Variants in RPAP3 observed in about 807,000 individuals in gnomAD.
RPAP3 encodes the protein RNA polymerase II-associated protein 3.
Under a neutral mutation model 88.8 loss-of-function variants are expected in RPAP3, and 58 were observed. That is an observed-to-expected ratio of 0.65 (90% CI 0.53 to 0.81). The LOEUF is 0.81. RPAP3 is among the 40% of genes least tolerant of loss of function. The pLI is 0.00. For synonymous variants in RPAP3, 255 were observed against 259.9 expected (o/e 0.98, Z 0.18); for missense variants, 751 against 764.3 (o/e 0.98, Z 0.20).
chr12:47,678,085 A>G, intron 12 of RPAP3, among the ~76,000 whole-genome samples: 1 of 152,214 alleles, frequency 6.6e-6, no homozygotes, highest in Non-Finnish European at 1.5e-5. Context: ...AGGCCTCAGA[A>G]ATAACACCAC....
chr12:47,672,623 G>A (rs931517233), intron 12 of RPAP3, among the ~76,000 whole-genome samples: 2 of 138,866 alleles, frequency 1.4e-5, no homozygotes, highest in Non-Finnish European at 3.4e-5. Flanking sequence ...TAAAAATAAT[G>A]CCGACATTTT....
chr12:47,674,645 T>A (rs1939071582), intron 12 of RPAP3, among the ~76,000 whole-genome samples: 1 of 152,104 alleles, frequency 6.6e-6, no homozygotes, highest in South Asian at 2.1e-4. Flanking sequence ...AGAAAGGGTA[T>A]CAGTGATTGA....
rs1938872590 is a variant in RPAP3 at position 47,666,273 on chromosome 12, G to A, written c.1912+707C>T. Among the ~76,000 whole-genome samples the A allele has an allele frequency of 2.0e-5, 3 of 152,212 alleles. 1 individual carries two copies. The highest frequency in any genetic ancestry group is 2.0e-4 in the Admixed American group (3 of 15,296). ...TCTTTATGCCAAAAATTGTGATGTGGAAATAAAAAAGAAATACAATTCTTC... is the reference window on the plus strand; with the variant it reads ...TCTTTATGCCAAAAATTGTGATGTGAAAATAAAAAAGAAATACAATTCTTC... On this transcript the variant is annotated intron_variant, in intron 16 of 16. Transcript: ENST00000005386.
Position 47,662,868 on chromosome 12 carries a change from C to G in RPAP3, c.*637G>C, listed in dbSNP as rs770432612. ...CTAATTTTTACATTTTTACACCTTG[C>G]ATTAGATTATCTGTCCTTAACTGGT... is the stretch of plus-strand genomic sequence containing the variant. On this transcript the variant is annotated 3_prime_UTR_variant, in exon 17 of 17. Coordinates refer to ENST00000005386, the MANE Select transcript of RPAP3 (RefSeq NM_024604.3). 6.6e-6 allele frequency: 1 copy of G among 152,190 alleles called. No homozygotes were observed. Among genetic ancestry groups the G allele is most frequent in the Non-Finnish European group, 1.5e-5 (1 of 68,040 alleles). The allele number at this position is 152,190 out of a possible 1,614,324, so 9.4% of individuals were successfully genotyped here.
intron 12 of RPAP3, among the ~76,000 whole-genome samples, chr12:47,671,612 G>T (rs1323815831): frequency 6.6e-6 from 1 of 152,140 alleles, no homozygotes; most frequent in Non-Finnish European, 1.5e-5. Flanking sequence ...CTATTTTAAA[G>T]AATAATCATA....
chr12:47,685,669 G>T (rs1250947710), intron 9 of RPAP3, among the ~76,000 whole-genome samples: 2 of 152,194 alleles, frequency 1.3e-5, no homozygotes, highest in African/African-American at 2.4e-5. Flanking sequence ...ACACTTGCTT[G>T]TTGATCAGTA....
Position 47,662,286 on chromosome 12 carries a change from T to C in RPAP3, c.*1219A>G, listed in dbSNP as rs1471258319. On this transcript the variant is annotated 3_prime_UTR_variant, in exon 17 of 17. Transcript: ENST00000005386. ...TTGCCTGTTTATATATCATAATACATTTAGCAATAAACAAAGTTAATAAAC... is the reference window on the plus strand; with the variant it reads ...TTGCCTGTTTATATATCATAATACACTTAGCAATAAACAAAGTTAATAAAC... 1 of 152,222 alleles carries C rather than the reference T, an allele frequency of 6.6e-6. No individual in the cohort carries two copies. The highest frequency in any genetic ancestry group is 1.5e-5 in the Non-Finnish European group (1 of 68,042). The allele number at this position is 152,222 out of a possible 1,614,324, so 9.4% of individuals were successfully genotyped here.
intron 12 of RPAP3, 98 bp downstream of exon 12, chr12:47,679,395 A>G (rs1225013865): frequency 8.4e-6 from 6 of 714,380 alleles, no homozygotes; most frequent in Non-Finnish European, 1.4e-5. Flanking sequence ...TTAAAGTATA[A>G]TTAAAAAAAA....
At chr12:47,671,957 G>A (rs1056901744) in intron 12 of RPAP3, among the ~76,000 whole-genome samples, 23 of 151,634 alleles carry the variant, frequency 1.5e-4, no homozygotes, top group African/African-American at 4.4e-4. Flanking sequence ...ACTCGGAAGC[G>A]TAACATTTTA....
At chr12:47,701,116 T>C (rs1335322155) in intron 3 of RPAP3, 3 of 159,524 alleles carry the variant, frequency 1.9e-5, no homozygotes, top group African/African-American at 7.2e-5. Flanking sequence ...CTAGTTTTGA[T>C]ACTGTATACT....
intron 16 of RPAP3, among the ~76,000 whole-genome samples, chr12:47,664,221 C>T (rs955376514): frequency 1.4e-4 from 21 of 152,102 alleles, no homozygotes; most frequent in Non-Finnish European, 3.1e-4. Flanking sequence ...AACCCCGTCT[C>T]TACTAAAAAT....
chr12:47,703,628 G>A (rs1306341504), intron 1 of RPAP3, among the ~76,000 whole-genome samples: 2 of 152,230 alleles, frequency 1.3e-5, no homozygotes, highest in Non-Finnish European at 2.9e-5. Context: ...CCCCAGAGGT[G>A]TTGGAACTTT....
At chr12:47,694,250 G>C (rs1026478401) in intron 5 of RPAP3, among the ~76,000 whole-genome samples, 1 of 152,194 alleles carries the variant, frequency 6.6e-6, no homozygotes, top group South Asian at 2.1e-4. Context: ...CCAGTGTAAA[G>C]AACAGAGATG....
At chr12:47,666,610 C>A (rs780444262) in intron 16 of RPAP3, among the ~76,000 whole-genome samples, 1 of 152,104 alleles carries the variant, frequency 6.6e-6, no homozygotes, top group Non-Finnish European at 1.5e-5. Context: ...CCATTTACTG[C>A]GTTTTCAAGT....
chr12:47,674,704 A>G (rs185661857), intron 12 of RPAP3, among the ~76,000 whole-genome samples: 25 of 137,480 alleles, frequency 1.8e-4, no homozygotes, highest in Admixed American at 5.0e-4. Context: ...GAGAAAAAAG[A>G]GTAAAAGAAA....
intron 16 of RPAP3, among the ~76,000 whole-genome samples, chr12:47,665,629 AT>A (rs139928164): frequency 6.7e-6 from 1 of 150,052 alleles, no homozygotes; most frequent in Non-Finnish European, 1.5e-5. Flanking sequence ...TTTAATATAT[AT>A]TTTTTTATTT....
At chr12:47,698,948 T>C (rs182744332) in intron 3 of RPAP3, among the ~76,000 whole-genome samples, 14 of 152,360 alleles carry the variant, frequency 9.2e-5, no homozygotes, top group East Asian at 5.8e-4. Flanking sequence ...CATAGTTTCA[T>C]TAAATGAACA....
In RPAP3 at chr12:47,701,554, T is replaced by G; in HGVS notation, c.204A>C (p.Lys68Asn). Residue 68 changes from lysine (K) to asparagine (N), a missense_variant, in exon 3 of 17, where the codon AAA (lysine) becomes AAC (asparagine). Coordinates refer to ENST00000005386, the MANE Select transcript of RPAP3 (RefSeq NM_024604.3). ...NGNFRKKKKG[K>N]AKESSKKTRE... Reference sequence around the variant, plus strand: ...TGGTTTTTTTGGAAGACTCTTTAGCTTTGCCTTTCTTCTTTTTCCTAAAAT... The same window carrying G: ...TGGTTTTTTTGGAAGACTCTTTAGCGTTGCCTTTCTTCTTTTTCCTAAAAT... The G allele has an allele frequency of 6.3e-7, 1 of 1,598,704 alleles. No individual in the cohort carries two copies. Among genetic ancestry groups the G allele is most frequent in the African/African-American group, 1.3e-5 (1 of 74,260 alleles).
At chr12:47,694,560 T>C (rs1005769070) in intron 5 of RPAP3, among the ~76,000 whole-genome samples, 1 of 151,298 alleles carries the variant, frequency 6.6e-6, no homozygotes, top group Non-Finnish European at 1.5e-5. Context: ...ATAAAGAAGA[T>C]AAGCTACAAA....
Sources: allele counts gnomAD v4.1 joint callset (sites outside exome capture counted in the v4.1 genomes callset), GRCh38; gene constraint gnomAD v4.1.1; transcripts MANE v1.5; gene names NCBI Gene and HGNC (gene_info 2026-07-23, HGNC 2026-07-21).